Variants in SCN4A observed in about 807,000 individuals in gnomAD.
SCN4A encodes sodium voltage-gated channel alpha subunit 4, also known as sodium channel protein type 4 subunit alpha.
SCN4A carries 83 observed loss-of-function variants against 162.0 expected under a neutral mutation model. That is an observed-to-expected ratio of 0.51 (90% CI 0.43 to 0.61). The LOEUF (loss-of-function observed/expected upper bound fraction) is 0.61. Ranked by LOEUF, SCN4A falls within the 20% of genes least tolerant of loss-of-function variation. The probability of loss-of-function intolerance (pLI) is 0.00; values close to 1 mark genes in which losing one functional copy is unlikely to be tolerated. For synonymous variants in SCN4A, 944 were observed against 985.1 expected, an observed-to-expected ratio of 0.96 and a Z score of 0.78; for missense variants, 2,196 against 2,462.5, an observed-to-expected ratio of 0.89 and a Z score of 2.29.
At position 63,951,968 on chromosome 17, in the gene SCN4A, G is replaced by T; in HGVS notation, c.2377-68C>A. On this transcript the variant is annotated intron_variant, in intron 13 of 23. Coordinates refer to ENST00000435607, the MANE Select transcript of SCN4A (RefSeq NM_000334.4). This position sits in a 1 kb window ranked among gnomAD's most constrained non-coding sequence, Gnocchi z 4.5. ...ACCCAGAGGGTGCCACCTTCAGCCA[G>T]CACAGGGGTCCTCGGTCTACAGATC... The T allele has an allele frequency of 2.1e-6, 2 of 936,702 alleles. No individual in the cohort carries two copies. The highest frequency in any genetic ancestry group is 3.1e-6 in the Non-Finnish European group (2 of 637,760). 58.0% of individuals were successfully genotyped at this position (936,702 alleles called of 1,614,324 possible). A position where few individuals can be genotyped will look rare whatever the true frequency, so the allele number is the denominator to read the frequency against.
Position 63,963,718 on chromosome 17 carries a change from CG to C in SCN4A, c.1559del (p.Pro520ArgfsTer46), listed in dbSNP as rs779034784. The C allele has an allele frequency of 6.2e-7, 1 of 1,601,838 alleles. No individual in the cohort carries two copies. The highest frequency in any genetic ancestry group is 8.5e-7 in the Non-Finnish European group (1 of 1,173,892). On this transcript the variant is annotated frameshift_variant, in exon 10 of 24. Coordinates refer to ENST00000435607, the MANE Select transcript of SCN4A (RefSeq NM_000334.4). LOFTEE classifies it high-confidence loss of function. The part of the protein sequence containing the change: ...LDTSQGEKGA[P>X]RQSSSGDSGI... ...CGCTGTCTCCGCTGCTGCTCTGCCTCGGGGCTCCCTTCTCCCCTTGCGATGT... is the reference window on the plus strand; with the variant it reads ...CGCTGTCTCCGCTGCTGCTCTGCCTCGGGCTCCCTTCTCCCCTTGCGATGT...
At chr17:63,942,731 G>A in intron 23 of SCN4A, 95 bp downstream of exon 23, 1 of 1,274,190 alleles carries the variant, frequency 7.8e-7, no homozygotes, top group South Asian at 1.4e-5. Flanking sequence ...GGGTGAGCGT[G>A]TGAGGGTGCA....
At position 63,951,607 on chromosome 17, in the gene SCN4A, G is replaced by C. The variant is rs761353512; in HGVS notation, c.2670C>G (p.Asp890Glu). ...KEPPEEDLKK[D>E]NHILNHMGLA... Reference sequence around the variant, plus strand: ...GGCCCATGTGGTTCAGGATGTGATTGTCCTTCTTCAGGTCCTCCTCGGGCG... The same window carrying C: ...GGCCCATGTGGTTCAGGATGTGATTCTCCTTCTTCAGGTCCTCCTCGGGCG... Residue 890 changes from aspartate to glutamate, a missense_variant, in exon 14 of 24, where the codon GAC (aspartate) becomes GAG (glutamate). By Grantham distance (45) the Asp-to-Glu change is conservative. Transcript: ENST00000435607. The surrounding 1 kb of genome is among the most constrained non-coding windows in gnomAD (Gnocchi z 4.5). The C allele has an allele frequency of 1.2e-6, 2 of 1,613,814 alleles. No homozygotes were observed. The highest frequency in any genetic ancestry group is 1.7e-6 in the Non-Finnish European group (2 of 1,179,870).
At chr17:63,963,252 A>G (rs1909324347) in intron 10 of SCN4A, among the ~76,000 whole-genome samples, 1 of 152,088 alleles carries the variant, frequency 6.6e-6, no homozygotes, top group South Asian at 2.1e-4. Flanking sequence ...TTTGGCCTTT[A>G]ACTTTTACCC....
rs1332443652 is a variant in SCN4A, at chr17:63,945,088, C to G, written c.3721-28G>C. 4 of 1,605,470 alleles carry G rather than the reference C, an allele frequency of 2.5e-6. No individual in the cohort carries two copies. Among genetic ancestry groups the G allele is most frequent in the Middle Eastern group, 1.7e-4 (1 of 6,044 alleles). On this transcript the variant is annotated intron_variant, in intron 19 of 23. Coordinates refer to ENST00000435607, the MANE Select transcript of SCN4A (RefSeq NM_000334.4). The surrounding 1 kb of genome is among the most constrained non-coding windows in gnomAD (Gnocchi z 4.4). ...GAGAGAGTGTGGTTGGGGAGTGAGC[C>G]GGGGGGCTGCTCCCTGCTTTCATCA... is the stretch of plus-strand genomic sequence containing the variant.
chr17:63,954,550 G>A (rs2144790276), intron 13 of SCN4A, among the ~76,000 whole-genome samples: 1 of 152,278 alleles, frequency 6.6e-6, no homozygotes, highest in African/African-American at 2.4e-5. Context: ...TGTGCTTTGG[G>A]TTACCTAGTC....
intron 4 of SCN4A, 62 bp from the exon 5 acceptor site, chr17:63,971,315 A>G (rs1460924754): frequency 3.3e-6 from 3 of 903,680 alleles, no homozygotes; most frequent in African/African-American, 1.6e-5. Context: ...TAGGACAGAA[A>G]TCAGGGCTCC....
Position 63,961,400 on chromosome 17 carries a change from T to C in SCN4A, c.1638A>G (p.Pro546=), listed in dbSNP as rs566539554. 1.9e-6 allele frequency: 3 copies of C among 1,613,680 alleles called. No homozygotes were observed. The highest frequency in any genetic ancestry group is 2.2e-5 in the East Asian group (1 of 44,874). The part of the protein sequence containing the change: ...ELEEAHQKCP[P]WWYKCAHKVL... ...CTTTGTGGGCGCACTTGTACCACCA[T>C]GGTGGGCACTTTTGGTGGGCCTCTT... Residue 546 remains proline (P), a synonymous_variant, in exon 11 of 24, where the codon CCA becomes CCG. Coordinates refer to ENST00000435607, the MANE Select transcript of SCN4A (RefSeq NM_000334.4).
rs1909377923 is a variant in SCN4A at position 63,964,616 on chromosome 17, G to A, written c.1304C>T (p.Ser435Phe). ...IFFVVIIFLGSFYLINLILAV... is the reference protein window; with the variant it reads ...IFFVVIIFLGFFYLINLILAV... ...CAGGATCAGATTGATGAGGTAGAAA[G>A]AGCCCAGGAAGATGATGACCACGAA... Residue 435 changes from serine (S) to phenylalanine (F), a missense_variant, in exon 9 of 24, where the codon TCT becomes TTT. Transcript: ENST00000435607. 1.2e-6 allele frequency: 2 copies of A among 1,613,366 alleles called. No homozygotes were observed.
At chr17:63,971,345 T>A in intron 4 of SCN4A, 92 bp from the exon 5 acceptor site, 1 of 768,472 alleles carries the variant, frequency 1.3e-6, no homozygotes, top group South Asian at 1.5e-5. Context: ...GGGATGAGGA[T>A]TCCCAAGAAA....
At chr17:63,961,823 T>C in intron 10 of SCN4A, 1 of 189,990 alleles carries the variant, frequency 5.3e-6, no homozygotes, top group Non-Finnish European at 1.1e-5. Flanking sequence ...CACACCTCTC[T>C]AAACCCCGCC....
intron 11 of SCN4A, among the ~76,000 whole-genome samples, chr17:63,960,502 C>T (rs1043389627): frequency 1.1e-4 from 17 of 152,336 alleles, no homozygotes; most frequent in African/African-American, 3.8e-4. Context: ...GGGAGCATCT[C>T]GCCCATTTGC....
At chr17:63,948,915 C>T in intron 15 of SCN4A, 150 bp from the exon 16 acceptor site, 2 of 654,590 alleles carry the variant, frequency 3.1e-6, no homozygotes, top group Non-Finnish European at 5.0e-6. Flanking sequence ...CACCCAGCTC[C>T]ATCTGGCTCA....
chr17:63,948,839 G>T, intron 15 of SCN4A, 74 bp from the exon 16 acceptor site: 1 of 1,376,146 alleles, frequency 7.3e-7, no homozygotes, highest in Middle Eastern at 2.0e-4. Flanking sequence ...CACAGTCAGC[G>T]CCCTCCCATG....
rs1555605060 is a variant in SCN4A at position 63,972,667 on chromosome 17, C to T, written c.175G>A (p.Glu59Lys). ...ATCATGGGTAGGTTCTTGCCAGCCT[C>T]CAAGTCACTTCGTGGCTTCCGTTCG... ...EPERKPRSDL[E>K]AGKNLPMIYG... Residue 59 changes from glutamate (E) to lysine (K), a missense_variant, in exon 1 of 24, where the codon GAG (glutamate) becomes AAG (lysine). By Grantham distance (56) the Glu-to-Lys change is moderately conservative (BLOSUM62 1). Transcript: ENST00000435607. This position sits in a 1 kb window ranked among gnomAD's most constrained non-coding sequence, Gnocchi z 4.3. 1 of 1,613,318 alleles carries T rather than the reference C, an allele frequency of 6.2e-7. No individual in the cohort carries two copies. The highest frequency in any genetic ancestry group is 8.5e-7 in the Non-Finnish European group (1 of 1,179,662).
chr17:63,953,338 C>T (rs905610977), intron 13 of SCN4A, among the ~76,000 whole-genome samples: 5 of 148,242 alleles, frequency 3.4e-5, no homozygotes, highest in East Asian at 2.0e-4. Context: ...CCAGCCGGGG[C>T]GACAGAGCGA....
At chr17:63,943,691 C>T in intron 22 of SCN4A, 55 bp downstream of exon 22, 4 of 1,166,674 alleles carry the variant, frequency 3.4e-6, no homozygotes, top group Non-Finnish European at 5.1e-6. Flanking sequence ...CCCCATCAGT[C>T]CCCTAGGCAG....
intron 10 of SCN4A, among the ~76,000 whole-genome samples, chr17:63,962,544 AGGTAAATACAATCAGTGCCTCCC>A (rs754974023): frequency 3.0e-4 from 45 of 152,194 alleles, no homozygotes; most frequent in Non-Finnish European, 5.1e-4. Context: ...TCATCACAGC[AGGTAAATACAATCAGTGCCTCCC>A]GGTAAATACA....
rs201447184 is a variant in SCN4A at position 63,972,309 on chromosome 17, C to A, written c.392+43G>T. The stretch of plus-strand genomic sequence containing the variant: ...CCTGGGCCACAGCACCCCATCTCGC[C>A]CATCCCTAACCCCTCCCGCCTCTCC... On this transcript the variant is annotated intron_variant, in intron 2 of 23. Transcript: ENST00000435607. The surrounding 1 kb of genome is among the most constrained non-coding windows in gnomAD (Gnocchi z 4.3). The A allele has an allele frequency of 1.1e-4, 176 of 1,595,996 alleles. No homozygotes were observed. The African/African-American group carries it at 2.0e-3, about 18-fold the overall frequency.
Sources: allele counts gnomAD v4.1 joint callset (sites outside exome capture counted in the v4.1 genomes callset), GRCh38; gene constraint gnomAD v4.1.1; non-coding constraint Gnocchi (gnomAD v3.1); transcripts MANE v1.5; gene names NCBI Gene and HGNC (gene_info 2026-07-23, HGNC 2026-07-21).